MAGI1: variants seen among roughly 807,000 people sequenced by gnomAD.
MAGI1 encodes membrane associated guanylate kinase, WW and PDZ domain containing 1, also known as membrane-associated guanylate kinase, WW and PDZ domain-containing protein 1.
A neutral mutation model predicts 139.9 loss-of-function variants in MAGI1; 58 were observed. That is an observed-to-expected ratio of 0.41 (90% CI 0.34 to 0.52). The LOEUF (loss-of-function observed/expected upper bound fraction) is 0.52, where lower values mean the gene tolerates loss of function less well. Ranked by LOEUF, MAGI1 falls within the 20% of genes least tolerant of loss-of-function variation. The probability of loss-of-function intolerance (pLI) is 0.12; values close to 1 mark genes in which losing one functional copy is unlikely to be tolerated. For synonymous variants in MAGI1, 812 were observed against 737.9 expected (o/e 1.10, Z -1.63); for missense variants, 1,874 against 1,901.6 (o/e 0.99, Z 0.27).
At chr3:65,669,274 G>A (rs1293356386) in intron 1 of MAGI1, among the ~76,000 whole-genome samples, 5 of 152,164 alleles carry the variant, frequency 3.3e-5, no homozygotes, top group Non-Finnish European at 7.3e-5. Context: ...GTCACAAGGA[G>A]CCAAATCAGG....
intron 1 of MAGI1, among the ~76,000 whole-genome samples, chr3:65,824,013 G>T (rs781168322): frequency 3.5e-4 from 54 of 152,166 alleles, no homozygotes; most frequent in Non-Finnish European, 6.6e-4. Flanking sequence ...ATAAAATGAA[G>T]AATCTTTTAA....
chr3:65,618,024 G>A (rs972826730), intron 2 of MAGI1, among the ~76,000 whole-genome samples: 1 of 152,214 alleles, frequency 6.6e-6, no homozygotes, highest in Non-Finnish European at 1.5e-5. Context: ...AGGGCAACAG[G>A]CCCAATCTGC....
intron 1 of MAGI1, among the ~76,000 whole-genome samples, chr3:65,816,071 G>A (rs753125270): frequency 3.3e-5 from 5 of 152,048 alleles, no homozygotes; most frequent in Non-Finnish European, 5.9e-5. Context: ...ATCACTGAGG[G>A]CATTTTTTCA....
chr3:65,390,802 A>C (rs1335704391), intron 14 of MAGI1, among the ~76,000 whole-genome samples: 1 of 152,266 alleles, frequency 6.6e-6, no homozygotes, highest in Non-Finnish European at 1.5e-5. Context: ...GTTGCATATC[A>C]GATTTGTGCT....
chr3:65,975,215 C>G (rs1247949207), intron 1 of MAGI1, among the ~76,000 whole-genome samples: 2 of 152,006 alleles, frequency 1.3e-5, no homozygotes, highest in African/African-American at 4.8e-5. Context: ...CGTTTTCATT[C>G]TAAAAATTCA....
At chr3:65,470,948 C>T (rs553276264) in intron 4 of MAGI1, among the ~76,000 whole-genome samples, 11 of 152,186 alleles carry the variant, frequency 7.2e-5, no homozygotes, top group African/African-American at 1.7e-4. Context: ...CTTGTATAAA[C>T]GATTTTATAA....
At chr3:65,619,834 G>C in intron 2 of MAGI1, 1 of 983,078 alleles carries the variant, frequency 1.0e-6, no homozygotes, top group Non-Finnish European at 1.2e-6. Flanking sequence ...TGAAGAAAGT[G>C]TAAAATGAAT....
chr3:65,427,555 T>C lies in MAGI1; in HGVS notation c.2167+1965A>G, dbSNP rs532355674. ...TGGTTTGTGTCTGTCAAATGAGCAG[T>C]GGCTGAATCAGAGGTGCACCTGATG... On this transcript the variant is annotated intron_variant, in intron 12 of 22. Transcript: ENST00000402939. Among the ~76,000 whole-genome samples, 5 of 152,312 alleles carry C rather than the reference T, an allele frequency of 3.3e-5. No homozygotes were observed. In the South Asian group the frequency reaches 8.3e-4, roughly 25 times the overall value.
At chr3:65,906,537 C>T (rs928756075) in intron 1 of MAGI1, among the ~76,000 whole-genome samples, 6 of 152,154 alleles carry the variant, frequency 3.9e-5, no homozygotes, top group African/African-American at 1.4e-4. Flanking sequence ...TTTCATTAAA[C>T]TCTCAAGGGA....
At chr3:65,423,875 A>G (rs1431145720) in intron 12 of MAGI1, among the ~76,000 whole-genome samples, 2 of 152,106 alleles carry the variant, frequency 1.3e-5, no homozygotes, top group Non-Finnish European at 2.9e-5. Flanking sequence ...AATCTTATGC[A>G]GGTTTTCCCA....
At chr3:65,936,139 T>C (rs1307556386) in intron 1 of MAGI1, among the ~76,000 whole-genome samples, 1 of 151,940 alleles carries the variant, frequency 6.6e-6, no homozygotes, top group Admixed American at 6.5e-5. Flanking sequence ...CTAAAATCAA[T>C]GGAAAGCCAT....
chr3:65,759,767 T>C (rs982022367), intron 1 of MAGI1, among the ~76,000 whole-genome samples: 2 of 152,168 alleles, frequency 1.3e-5, no homozygotes, highest in African/African-American at 4.8e-5. Context: ...TGAGATGTGT[T>C]CCAGTAAAAC....
intron 2 of MAGI1, among the ~76,000 whole-genome samples, chr3:65,496,515 G>T (rs1353790215): frequency 6.6e-6 from 1 of 152,176 alleles, no homozygotes; most frequent in Admixed American, 6.5e-5. Context: ...GAAGCAGTGA[G>T]ATTTCTATTA....
chr3:65,940,215 T>C (rs2063242147), intron 1 of MAGI1, among the ~76,000 whole-genome samples: 1 of 152,144 alleles, frequency 6.6e-6, no homozygotes, highest in Admixed American at 6.5e-5. Context: ...GGGAAAGCAA[T>C]ACTAGGAATG....
At chr3:65,569,263 T>G (rs1205778262) in intron 2 of MAGI1, among the ~76,000 whole-genome samples, 1 of 152,202 alleles carries the variant, frequency 6.6e-6, no homozygotes, top group African/African-American at 2.4e-5. Context: ...AGAATTGTGG[T>G]TACCAGGGGC....
intron 12 of MAGI1, among the ~76,000 whole-genome samples, chr3:65,409,118 C>CCATT (rs1442511976): frequency 6.6e-6 from 1 of 152,178 alleles, no homozygotes; most frequent in Non-Finnish European, 1.5e-5. Context: ...AGTCATGAGA[C>CCATT]CATTCATTCA....
At chr3:65,758,900 C>T (rs897356855) in intron 1 of MAGI1, among the ~76,000 whole-genome samples, 2 of 151,992 alleles carry the variant, frequency 1.3e-5, no homozygotes, top group Non-Finnish European at 2.9e-5. Flanking sequence ...CAAATGTTTA[C>T]TTAGTCCCCA....
intron 1 of MAGI1, among the ~76,000 whole-genome samples, chr3:65,661,091 A>G (rs1364555601): frequency 6.6e-6 from 1 of 152,166 alleles, no homozygotes; most frequent in Non-Finnish European, 1.5e-5. Flanking sequence ...TCTAAAAAAT[A>G]AAAAACAAAT....
intron 12 of MAGI1, among the ~76,000 whole-genome samples, chr3:65,425,501 T>A (rs1946973401): frequency 6.6e-6 from 1 of 152,126 alleles, no homozygotes; most frequent in South Asian, 2.1e-4. Context: ...CCTGAAAGAT[T>A]CTCTAGCTCA....
Sources: allele counts gnomAD v4.1 joint callset (sites outside exome capture counted in the v4.1 genomes callset), GRCh38; gene constraint gnomAD v4.1.1; transcripts MANE v1.5; gene names NCBI Gene and HGNC (gene_info 2026-07-23, HGNC 2026-07-21).